Variants in WARS2 observed in about 807,000 individuals in gnomAD.
The protein encoded by WARS2 is tryptophanyl tRNA synthetase 2, mitochondrial, also known as tryptophan--tRNA ligase, mitochondrial.
Under a neutral mutation model 36.5 loss-of-function variants are expected in WARS2, and 28 were observed. The ratio of observed to expected loss-of-function variants is 0.77; its 90% CI spans 0.57 to 1.05. The LOEUF is 1.05. WARS2 is among the 50% of genes least tolerant of loss of function. The pLI, the probability that WARS2 is intolerant of heterozygous loss-of-function variation, is 0.00. For synonymous variants in WARS2, 174 were observed against 178.4 expected, an observed-to-expected ratio of 0.98 and a Z score of 0.20; for missense variants, 435 against 456.8, an observed-to-expected ratio of 0.95 and a Z score of 0.44.
intron 1 of WARS2, among the ~76,000 whole-genome samples, chr1:119,126,366 C>T (rs991559355): frequency 1.3e-5 from 2 of 151,960 alleles, no homozygotes; most frequent in African/African-American, 4.8e-5. Flanking sequence ...GCTTATAAAA[C>T]CCTTTTTAAA....
intron 1 of WARS2, among the ~76,000 whole-genome samples, chr1:119,107,440 T>G (rs962113205): frequency 5.3e-5 from 8 of 149,590 alleles, no homozygotes; most frequent in African/African-American, 2.0e-4. Context: ...AGGATCCATT[T>G]TGATTTAAGT....
At chr1:119,058,512 T>C (rs1650062892) in intron 2 of WARS2, among the ~76,000 whole-genome samples, 1 of 121,928 alleles carries the variant, frequency 8.2e-6, no homozygotes, top group Admixed American at 9.0e-5. Context: ...CCTGTGTCCA[T>C]GTGATCTCAT....
chr1:119,052,716 C>G (rs1370696012), intron 2 of WARS2, among the ~76,000 whole-genome samples: 1 of 152,124 alleles, frequency 6.6e-6, no homozygotes, highest in African/African-American at 2.4e-5. Flanking sequence ...TCAGATTATG[C>G]TAGGCTATAC....
In WARS2 at chr1:119,042,906, C is replaced by T. The variant is rs150782544; in HGVS notation, c.430-557G>A. ...TATTCATCTAACCAATCCTAATGAC[C>T]TGTCTTGATTCTTAGGTGATTAAGC... On this transcript the variant is annotated intron_variant, in intron 3 of 5. Transcript: ENST00000235521. Among the ~76,000 whole-genome samples the T allele has an allele frequency of 3.3e-5, 5 of 152,232 alleles. No individual in the cohort carries two copies. In the East Asian group the frequency reaches 7.7e-4, roughly 24 times the overall value.
At position 119,085,531 on chromosome 1, in the gene WARS2, A is replaced by C; in HGVS notation, c.91-8924T>G. 20 of 1,606,374 alleles carry C rather than the reference A, an allele frequency of 1.2e-5. No homozygotes were observed. The South Asian group carries it at 2.1e-4, about 17-fold the overall frequency. On this transcript the variant is annotated intron_variant, in intron 1 of 5. Coordinates refer to ENST00000235521, the MANE Select transcript of WARS2 (RefSeq NM_015836.4). Reference sequence around the variant, plus strand: ...TCAGAGCTCTCAGACAAACTTGGTGAGGGGGTACGAGCCCCACAGCCCTTC... The same window carrying C: ...TCAGAGCTCTCAGACAAACTTGGTGCGGGGGTACGAGCCCCACAGCCCTTC...
intron 2 of WARS2, among the ~76,000 whole-genome samples, chr1:119,052,545 G>A (rs995905405): frequency 1.3e-5 from 2 of 152,170 alleles, no homozygotes; most frequent in African/African-American, 4.8e-5. Flanking sequence ...ATAAACATCT[G>A]TCTGTACACA....
intron 5 of WARS2, 90 bp from the exon 6 acceptor site, chr1:119,033,449 C>G: frequency 6.6e-7 from 1 of 1,508,310 alleles, no homozygotes; most frequent in Non-Finnish European, 9.0e-7. Flanking sequence ...TCCCAACTTG[C>G]AATGGTTTGA....
intron 2 of WARS2, among the ~76,000 whole-genome samples, chr1:119,057,216 G>T (rs1247653414): frequency 6.6e-6 from 1 of 151,892 alleles, no homozygotes; most frequent in East Asian, 2.0e-4. Flanking sequence ...CACGATCTCG[G>T]CTGACTGAAA....
intron 1 of WARS2, among the ~76,000 whole-genome samples, chr1:119,122,257 G>A (rs898078696): frequency 2.0e-5 from 3 of 152,206 alleles, no homozygotes; most frequent in African/African-American, 4.8e-5. Context: ...ATTCTCAAAA[G>A]AAGATATACA....
At chr1:119,037,469 G>T (rs563815533) in intron 4 of WARS2, among the ~76,000 whole-genome samples, 1 of 152,110 alleles carries the variant, frequency 6.6e-6, no homozygotes, top group Non-Finnish European at 1.5e-5. Context: ...TAACCAGCCC[G>T]GCTGGGACAG....
In WARS2 at chr1:119,031,312, A is replaced by C. The variant is rs1321372127; in HGVS notation, c.*1599T>G. On this transcript the variant is annotated 3_prime_UTR_variant, in exon 6 of 6. Transcript: ENST00000235521. ...GGGGAAAAAACAGAGGCTTGTAAGA[A>C]ATATGCTCAAAGAGGTTCTAGGACT... 6.6e-6 allele frequency: 1 copy of C among 152,244 alleles called. No homozygotes were observed. The highest frequency in any genetic ancestry group is 2.4e-5 in the African/African-American group (1 of 41,454). The allele number at this position is 152,244 out of a possible 1,614,324, so 9.4% of individuals were successfully genotyped here.
At chr1:119,051,065 G>A (rs1056633413) in intron 2 of WARS2, among the ~76,000 whole-genome samples, 11 of 151,996 alleles carry the variant, frequency 7.2e-5, no homozygotes, top group Admixed American at 3.3e-4. Context: ...AGGAGTACAT[G>A]TGCAGGTTTG....
intron 2 of WARS2, among the ~76,000 whole-genome samples, chr1:119,067,977 G>A (rs1332230578): frequency 3.3e-5 from 5 of 152,068 alleles, no homozygotes; most frequent in Non-Finnish European, 7.4e-5. Flanking sequence ...TGGTATTATT[G>A]GAAACTGTGG....
At chr1:119,033,702 G>C (rs571451427) in intron 5 of WARS2, among the ~76,000 whole-genome samples, 184 of 152,292 alleles carry the variant, frequency 1.2e-3, no homozygotes, top group Middle Eastern at 3.4e-3. Context: ...ATGTTCAGTA[G>C]GTTATGTGTG....
Position 119,099,146 on chromosome 1 carries a change from T to C in WARS2, c.91-22539A>G, listed in dbSNP as rs150118303. Among the ~76,000 whole-genome samples the C allele has an allele frequency of 1.2e-3, 188 of 152,332 alleles. 1 individual carries two copies. Among genetic ancestry groups the C allele is most frequent in the Non-Finnish European group, 1.8e-3 (123 of 68,034 alleles). ...ACTAGTTTTGCCCTTAGCTAGAGTA[T>C]ACATTGAACTTATAATACAGTGTCA... On this transcript the variant is annotated intron_variant, in intron 1 of 5. Coordinates refer to ENST00000235521, the MANE Select transcript of WARS2 (RefSeq NM_015836.4).
intron 1 of WARS2, among the ~76,000 whole-genome samples, chr1:119,105,582 AG>A (rs1167801312): frequency 1.3e-5 from 2 of 152,120 alleles, no homozygotes; most frequent in African/African-American, 4.8e-5. Flanking sequence ...GGAGTAAAAC[AG>A]GAACATGTGG....
intron 2 of WARS2, among the ~76,000 whole-genome samples, chr1:119,058,221 A>AT (rs1313959839): frequency 6.6e-6 from 1 of 150,460 alleles, no homozygotes; most frequent in Non-Finnish European, 1.5e-5. Flanking sequence ...TGAAAAGACT[A>AT]TTTTTTCCCC....
intron 1 of WARS2, among the ~76,000 whole-genome samples, chr1:119,091,785 C>A (rs1054099445): frequency 6.6e-6 from 1 of 152,156 alleles, no homozygotes; most frequent in African/African-American, 2.4e-5. Flanking sequence ...ACATGTGCAA[C>A]TGGGAAGATT....
At chr1:119,089,286 T>G (rs1467941960) in intron 1 of WARS2, among the ~76,000 whole-genome samples, 8 of 152,178 alleles carry the variant, frequency 5.3e-5, no homozygotes, top group Admixed American at 2.6e-4. Context: ...ATCCAACCTG[T>G]AGACTGATAT....
Sources: gnomAD v4.1 joint callset for allele counts (sites outside exome capture counted in the v4.1 genomes callset) on GRCh38, gnomAD v4.1.1 for gene constraint, MANE v1.5 for transcripts, NCBI Gene and HGNC (gene_info 2026-07-23, HGNC 2026-07-21) for gene names.